Variants in NCKAP1 observed in about 807,000 individuals in gnomAD.
The protein encoded by NCKAP1 is NCK associated protein 1, also known as nck-associated protein 1.
NCKAP1 carries 21 observed loss-of-function variants against 151.2 expected under a neutral mutation model. The observed-to-expected ratio is 0.14, with a 90% confidence interval of 0.10 to 0.20. NCKAP1 has a LOEUF of 0.20. NCKAP1 is among the 10% of genes least tolerant of loss of function. The pLI is 1.00. For missense variants in NCKAP1, 933 were observed against 1,352.1 expected (o/e 0.69, Z 4.86); for synonymous variants, 484 against 451.8 (o/e 1.07, Z -0.90).
rs150471724 is a variant in NCKAP1, at chr2:182,932,965, A to C, written c.2859+1787T>G. ...CACTGTAAGAGAAACAACAGCAACA[A>C]CACCAAAAAAACAAAGTCTGGGTCT... On this transcript the variant is annotated intron_variant, in intron 26 of 30. Coordinates refer to ENST00000361354, the MANE Select transcript of NCKAP1 (RefSeq NM_013436.5). 4.2e-3 allele frequency among the ~76,000 whole-genome samples: 638 copies of C among 152,332 alleles called. 7 individuals carry two copies. Among genetic ancestry groups the C allele is most frequent in the African/African-American group, 0.014 (569 of 41,578 alleles).
intron 15 of NCKAP1, among the ~76,000 whole-genome samples, chr2:182,968,019 C>T (rs1351300859): frequency 6.6e-6 from 1 of 152,112 alleles, no homozygotes; most frequent in East Asian, 1.9e-4. Flanking sequence ...GGGATGCCTA[C>T]AGAATAAGTA....
At chr2:183,002,067 C>CA in intron 5 of NCKAP1, 24 bp from the exon 6 acceptor site, 1 of 1,612,686 alleles carries the variant, frequency 6.2e-7, no homozygotes, top group South Asian at 1.1e-5. Context: ...TATCAAATTT[C>CA]AATGAGTTGT....
At chr2:183,005,667 A>T (rs1698457782) in intron 2 of NCKAP1, among the ~76,000 whole-genome samples, 1 of 152,208 alleles carries the variant, frequency 6.6e-6, no homozygotes, top group African/African-American at 2.4e-5. Flanking sequence ...AGATGCCTAA[A>T]TTCAAAACAG....
intron 1 of NCKAP1, among the ~76,000 whole-genome samples, chr2:183,025,469 T>G (rs907774820): frequency 6.6e-6 from 1 of 152,124 alleles, no homozygotes; most frequent in African/African-American, 2.4e-5. Context: ...AGTATAAAAA[T>G]CAATGTTAAC....
At chr2:182,996,994 G>C (rs566012438) in intron 6 of NCKAP1, among the ~76,000 whole-genome samples, 1 of 152,208 alleles carries the variant, frequency 6.6e-6, no homozygotes, top group African/African-American at 2.4e-5. Context: ...TTATGTTATG[G>C]GAATTTACCA....
rs1411505764 is a variant in NCKAP1 at position 182,917,307 on chromosome 2, G to A, written c.*8395C>T. ...ATATCCACGTCCAAAATCCTACCAG[G>A]AACCAGTAGCTGTTTATCATTATGA... On this transcript the variant is annotated 3_prime_UTR_variant, in exon 31 of 31. Coordinates refer to ENST00000361354, the MANE Select transcript of NCKAP1 (RefSeq NM_013436.5). The A allele has an allele frequency of 2.0e-5, 3 of 152,124 alleles. No individual in the cohort carries two copies. Among genetic ancestry groups the A allele is most frequent in the Non-Finnish European group, 1.5e-5 (1 of 68,012 alleles). The allele number at this position is 152,124 out of a possible 1,614,324, so 9.4% of individuals were successfully genotyped here.
At chr2:182,936,687 T>C (rs1478828807) in intron 24 of NCKAP1, among the ~76,000 whole-genome samples, 1 of 152,112 alleles carries the variant, frequency 6.6e-6, no homozygotes, top group Non-Finnish European at 1.5e-5. Context: ...ATAGGCCTAA[T>C]ATAAGCCAAA....
In NCKAP1 at chr2:182,952,929, G is replaced by A. The variant is rs747990965; in HGVS notation, c.2373-6C>T. The A allele has an allele frequency of 1.9e-6, 3 of 1,606,792 alleles. No individual in the cohort carries two copies. Among genetic ancestry groups the A allele is most frequent in the East Asian group, 2.2e-5 (1 of 44,690 alleles). On this transcript the variant is annotated splice_polypyrimidine_tract_variant and splice_region_variant and intron_variant, in intron 21 of 30. Transcript: ENST00000361354. ...GTAACAAAGTTTCCAAATACCTAAG[G>A]AGAAACGTAAACTTATAACCGGAAG...
intron 18 of NCKAP1, among the ~76,000 whole-genome samples, chr2:182,960,017 C>T (rs566455912): frequency 7.6e-4 from 115 of 152,280 alleles, no homozygotes; most frequent in Middle Eastern, 6.8e-3. Flanking sequence ...AGGAATCCAA[C>T]TTACAAGGGA....
chr2:183,025,135 T>G (rs1698871133), intron 1 of NCKAP1: 2 of 764,072 alleles, frequency 2.6e-6, no homozygotes, highest in Admixed American at 5.6e-5. Flanking sequence ...GGTGCTACAA[T>G]TTTAAAGGTA....
In NCKAP1 at chr2:182,911,650, T is replaced by C. The variant is rs1268153436; in HGVS notation, c.*14052A>G. ...GCAAAGTTATCAGTTAGGTTTGCTATATCCTTTTTTTTCTCCCAAGCTGTT... is the reference window on the plus strand; with the variant it reads ...GCAAAGTTATCAGTTAGGTTTGCTACATCCTTTTTTTTCTCCCAAGCTGTT... On this transcript the variant is annotated 3_prime_UTR_variant, in exon 31 of 31. Transcript: ENST00000361354. The C allele has an allele frequency of 2.6e-5, 4 of 152,170 alleles. No individual in the cohort carries two copies. The highest frequency in any genetic ancestry group is 9.7e-5 in the African/African-American group (4 of 41,442). The allele number at this position is 152,170 out of a possible 1,614,324, so 9.4% of individuals were successfully genotyped here.
At chr2:182,959,476 A>G (rs896563417) in intron 18 of NCKAP1, among the ~76,000 whole-genome samples, 1 of 152,222 alleles carries the variant, frequency 6.6e-6, no homozygotes, top group African/African-American at 2.4e-5. Flanking sequence ...AACAGAACCA[A>G]CGACAAAAAC....
chr2:182,964,901 T>G, intron 16 of NCKAP1, 93 bp from the exon 17 acceptor site: 1 of 949,724 alleles, frequency 1.1e-6, no homozygotes, highest in Non-Finnish European at 1.5e-6. Context: ...AGTGAATGAA[T>G]GATAACTGGT....
intron 23 of NCKAP1, among the ~76,000 whole-genome samples, chr2:182,951,879 A>G (rs1357926313): frequency 1.3e-5 from 2 of 152,136 alleles, no homozygotes; most frequent in African/African-American, 4.8e-5. Context: ...ATAAAAAGGT[A>G]TTTAAAATGT....
Position 183,038,355 on chromosome 2 carries a change from A to C in NCKAP1, c.-256T>G, listed in dbSNP as rs1030155057. ...TTCCGCCCGCCGCCCTTCCGCCCCC[A>C]CCCCCGGCGCTCTCCGCCCCAGCCC... On this transcript the variant is annotated 5_prime_UTR_variant, in exon 1 of 31. Transcript: ENST00000361354. The C allele has an allele frequency of 4.8e-4, 131 of 273,054 alleles. No homozygotes were observed. Among genetic ancestry groups the C allele is most frequent in the African/African-American group, 6.9e-4 (28 of 40,606 alleles). 16.9% of individuals were successfully genotyped at this position (273,054 alleles called of 1,614,324 possible). A position where few individuals can be genotyped will look rare whatever the true frequency, so the allele number is the denominator to read the frequency against.
At chr2:182,992,737 CCT>C (rs1358695185) in intron 8 of NCKAP1, among the ~76,000 whole-genome samples, 1 of 151,896 alleles carries the variant, frequency 6.6e-6, no homozygotes, top group South Asian at 2.1e-4. Context: ...TTAAATTTCC[CCT>C]CTTTCATACT....
intron 18 of NCKAP1, among the ~76,000 whole-genome samples, chr2:182,961,283 G>A (rs890370741): frequency 3.9e-5 from 6 of 152,202 alleles, no homozygotes; most frequent in African/African-American, 9.6e-5. Context: ...ACATGCACAC[G>A]TATGTCTATT....
At chr2:182,974,756 A>C (rs543438320) in intron 15 of NCKAP1, among the ~76,000 whole-genome samples, 1 of 152,312 alleles carries the variant, frequency 6.6e-6, no homozygotes, top group African/African-American at 2.4e-5. Context: ...CTATTGTTTA[A>C]GCCATCTAGT....
intron 1 of NCKAP1, among the ~76,000 whole-genome samples, chr2:183,027,945 C>A (rs1053021975): frequency 6.6e-6 from 1 of 152,122 alleles, no homozygotes; most frequent in African/African-American, 2.4e-5. Flanking sequence ...TCAAAGTTAT[C>A]ACCTTTTGAA....
Sources: gnomAD v4.1 joint callset for allele counts (sites outside exome capture counted in the v4.1 genomes callset) on GRCh38, gnomAD v4.1.1 for gene constraint, MANE v1.5 for transcripts, NCBI Gene and HGNC (gene_info 2026-07-23, HGNC 2026-07-21) for gene names.